Variants in TM2D3 observed in about 807,000 individuals in gnomAD.
The protein encoded by TM2D3 is TM2 domain containing 3.
In TM2D3, 33 loss-of-function variants were observed where a neutral mutation model predicts 27.3. The ratio of observed to expected loss-of-function variants is 1.21; its 90% CI spans 0.92 to 1.61. The LOEUF is 1.61. Ranked by LOEUF, TM2D3 falls within the 40% of genes most tolerant of loss-of-function variation. The probability of loss-of-function intolerance (pLI) is 0.00; values close to 1 mark genes in which losing one functional copy is unlikely to be tolerated. For missense variants in TM2D3, 364 were observed against 320.8 expected (o/e 1.13, Z -1.03); for synonymous variants, 138 against 122.2 (o/e 1.13, Z -0.85).
intron 5 of TM2D3, among the ~76,000 whole-genome samples, chr15:101,644,768 T>C (rs1896760922): frequency 6.6e-6 from 1 of 152,234 alleles, no homozygotes; most frequent in Non-Finnish European, 1.5e-5. Flanking sequence ...TTACTTTTTA[T>C]AATAGTTACT....
intron 4 of TM2D3, 147 bp from the exon 5 acceptor site, chr15:101,645,309 T>C (rs1439440656): frequency 1.1e-5 from 6 of 541,882 alleles, no homozygotes; most frequent in Non-Finnish European, 1.9e-5. Context: ...ACAAAGCGCT[T>C]ACCATCTATC....
chr15:101,645,059 T>C, intron 5 of TM2D3, 28 bp downstream of exon 5: 2 of 1,602,964 alleles, frequency 1.2e-6, no homozygotes, highest in Admixed American at 1.7e-5. Context: ...GCAAACGGCC[T>C]TTTACACTTA....
In TM2D3 at chr15:101,646,775, C is replaced by T. The variant is rs1010335142; in HGVS notation, c.452G>A (p.Arg151Gln). The change falls in exon 4 of 6, where the codon CGG (arginine) becomes CAG (glutamine). Residue 151 changes from arginine to glutamine, a missense_variant. Physicochemically the swap from Arg to Gln is conservative, Grantham distance 43 (BLOSUM62 1). Transcript: ENST00000333202. ...CGTGCAGTTGGCAGGGTAGCGCTGCCGAGGACAGGACACCGTCATGCAGCT... is the reference window on the plus strand; with the variant it reads ...CGTGCAGTTGGCAGGGTAGCGCTGCTGAGGACAGGACACCGTCATGCAGCT... ...STSCMTVSCP[R>Q]QRYPANCTVR... is the part of the protein sequence containing the mutation. The T allele has an allele frequency of 9.3e-6, 15 of 1,614,064 alleles. No homozygotes were observed. The highest frequency in any genetic ancestry group is 5.0e-5 in the Admixed American group (3 of 59,996).
chr15:101,639,844 G>A (rs1178531248), downstream of TM2D3, among the ~76,000 whole-genome samples: 3 of 152,146 alleles, frequency 2.0e-5, no homozygotes, highest in Non-Finnish European at 4.4e-5. Context: ...GAGGACACCC[G>A]TGGCATTAAC....
chr15:101,639,118 A>T (rs1226532371), downstream of TM2D3, among the ~76,000 whole-genome samples: 1 of 152,228 alleles, frequency 6.6e-6, no homozygotes, highest in Non-Finnish European at 1.5e-5. Context: ...AAAGAATTTA[A>T]ATCAAATTTG....
chr15:101,632,993 G>A (rs541003665), exon 5 of TM2D3: 1 of 152,262 alleles, frequency 6.6e-6, no homozygotes, highest in East Asian at 1.9e-4. Flanking sequence ...AAATCATGAA[G>A]GCCAGAAGGA....
chr15:101,642,389 A>T lies in TM2D3; in HGVS notation c.*90T>A. 1 of 1,405,246 alleles carries T rather than the reference A, an allele frequency of 7.1e-7. No individual in the cohort carries two copies. Among genetic ancestry groups the T allele is most frequent in the Non-Finnish European group, 9.3e-7 (1 of 1,072,752 alleles). The allele number at this position is 1,405,246 out of a possible 1,614,324, so 87.0% of individuals were successfully genotyped here. On this transcript the variant is annotated 3_prime_UTR_variant, in exon 6 of 6. Transcript: ENST00000333202. ...AAAGTACAGATGCTGTACATTAAAA[A>T]CATAGAAATATATCACTCACACCAC...
downstream of TM2D3, among the ~76,000 whole-genome samples, chr15:101,637,932 T>G (rs1253811225): frequency 6.6e-6 from 1 of 152,200 alleles, no homozygotes; most frequent in Non-Finnish European, 1.5e-5. Flanking sequence ...TTGTGTTCTA[T>G]TCTACATTCC....
At chr15:101,633,456 A>G in exon 5 of TM2D3, 1 of 440,994 alleles carries the variant, frequency 2.3e-6, no homozygotes, top group East Asian at 3.3e-5. Context: ...CTGTTAGAAG[A>G]ATTCAATTCC....
chr15:101,638,625 C>T (rs928470841), downstream of TM2D3, among the ~76,000 whole-genome samples: 2 of 152,036 alleles, frequency 1.3e-5, no homozygotes, highest in African/African-American at 2.4e-5. Flanking sequence ...AGTTTTGTTG[C>T]GCCAGCAGGG....
intron 3 of TM2D3, among the ~76,000 whole-genome samples, chr15:101,647,572 GA>G (rs1896848112): frequency 6.6e-6 from 1 of 152,178 alleles, no homozygotes; most frequent in African/African-American, 2.4e-5. Flanking sequence ...GGTGGCCAGA[GA>G]ATTTTTCATT....
chr15:101,633,290 A>G (rs1051894420), exon 5 of TM2D3: 3 of 183,964 alleles, frequency 1.6e-5, no homozygotes, highest in Non-Finnish European at 3.4e-5. Flanking sequence ...ACAAATTACT[A>G]GAAACTTGGA....
At position 101,652,324 on chromosome 15, in the gene TM2D3, G is replaced by C. The variant is rs374360447; in HGVS notation, c.38C>G (p.Ala13Gly). Residue 13 changes from alanine to glycine, a missense_variant, in exon 1 of 6, where the codon GCC becomes GGC. By Grantham distance (60) the Ala-to-Gly change is moderately conservative. Coordinates refer to ENST00000333202, the MANE Select transcript of TM2D3 (RefSeq NM_078474.3). ...GAGGAAGAGCAGCACGCGACACAAG[G>C]CGCGGAGGCCCCTCAGCGGGAGCAC... ...GGVLPLRGLRALCRVLLFLSQ... is the reference protein window; with the variant it reads ...GGVLPLRGLRGLCRVLLFLSQ... The C allele has an allele frequency of 6.9e-6, 11 of 1,602,226 alleles. No homozygotes were observed. Among genetic ancestry groups the C allele is most frequent in the African/African-American group, 1.4e-5 (1 of 72,738 alleles).
At chr15:101,641,000 G>A (rs1019580354), downstream of TM2D3, among the ~76,000 whole-genome samples, 6 of 152,142 alleles carry the variant, frequency 3.9e-5, no homozygotes, top group Admixed American at 2.0e-4. Context: ...ACTTCCCACC[G>A]ACTCCCTGGT....
intron 2 of TM2D3, chr15:101,650,923 A>C (rs1896950459): frequency 6.6e-6 from 1 of 152,268 alleles, no homozygotes; most frequent in South Asian, 2.1e-4. Flanking sequence ...TCTGAGTTTA[A>C]AATTCAAGTG....
chr15:101,650,709 T>G (rs1432180382), intron 2 of TM2D3: 1 of 151,062 alleles, frequency 6.6e-6, no homozygotes, highest in East Asian at 1.9e-4. Context: ...AATATAATAT[T>G]TACAGTTTTA....
downstream of TM2D3, among the ~76,000 whole-genome samples, chr15:101,638,626 G>A (rs1023333723): frequency 6.6e-6 from 1 of 152,048 alleles, no homozygotes; most frequent in Non-Finnish European, 1.5e-5. Flanking sequence ...GTTTTGTTGC[G>A]CCAGCAGGGC....
At chr15:101,636,804 A>G in intron 4 of TM2D3, 1 of 301,314 alleles carries the variant, frequency 3.3e-6, no homozygotes, top group Non-Finnish European at 6.9e-6. Flanking sequence ...GAAGGTTCCA[A>G]TTTCTCCACA....
intron 3 of TM2D3, 60 bp downstream of exon 3, chr15:101,649,944 G>C (rs947482124): frequency 6.7e-7 from 1 of 1,482,804 alleles, no homozygotes; most frequent in Admixed American, 2.0e-5. Context: ...AGTCTGAATT[G>C]TTCTTCTAAC....
Sources: allele counts gnomAD v4.1 joint callset (sites outside exome capture counted in the v4.1 genomes callset), GRCh38; gene constraint gnomAD v4.1.1; transcripts MANE v1.5; gene names NCBI Gene and HGNC (gene_info 2026-07-23, HGNC 2026-07-21).